The following MAGI1 variants were observed in gnomAD, a reference collection of about 807,000 sequenced individuals.
MAGI1 encodes membrane associated guanylate kinase, WW and PDZ domain containing 1.
In MAGI1, 58 loss-of-function variants were observed where a neutral mutation model predicts 139.9. That is an observed-to-expected ratio of 0.41 (90% CI 0.34 to 0.52). The LOEUF is 0.52. Ranked by LOEUF, MAGI1 falls within the 20% of genes least tolerant of loss-of-function variation. The pLI is 0.12. For synonymous variants in MAGI1, 812 were observed against 737.9 expected (o/e 1.10, Z -1.63); for missense variants, 1,874 against 1,901.6 (o/e 0.99, Z 0.27).
At chr3:65,379,031 G>T (rs780469304) in intron 17 of MAGI1, among the ~76,000 whole-genome samples, 1 of 152,116 alleles carries the variant, frequency 6.6e-6, no homozygotes, top group African/African-American at 2.4e-5. Flanking sequence ...TTGTGTATGC[G>T]TGATCACATT....
chr3:65,630,240 C>T (rs968865789), intron 1 of MAGI1, among the ~76,000 whole-genome samples: 1 of 152,170 alleles, frequency 6.6e-6, no homozygotes, highest in Non-Finnish European at 1.5e-5. Context: ...CCCTGAGCAG[C>T]AGGGTATATG....
intron 12 of MAGI1, among the ~76,000 whole-genome samples, chr3:65,411,454 T>C (rs552364488): frequency 1.3e-5 from 2 of 152,296 alleles, no homozygotes; most frequent in Admixed American, 1.3e-4. Flanking sequence ...ATGCAGTTCC[T>C]ACAAATTTGA....
At chr3:65,482,606 A>G (rs998355422) in intron 3 of MAGI1, among the ~76,000 whole-genome samples, 1 of 152,230 alleles carries the variant, frequency 6.6e-6, no homozygotes, top group Non-Finnish European at 1.5e-5. Context: ...TCTGTAAACT[A>G]TAAGGTGTTA....
Position 65,448,248 on chromosome 3 carries a change from G to C in MAGI1, c.1043-191C>G, listed in dbSNP as rs968336595. 5 of 609,078 alleles carry C rather than the reference G, an allele frequency of 8.2e-6. No homozygotes were observed. The African/African-American group carries it at 9.3e-5, about 11-fold the overall frequency. The allele number at this position is 609,078 out of a possible 1,614,324, so 37.7% of individuals were successfully genotyped here. On this transcript the variant is annotated intron_variant, in intron 6 of 22. Coordinates refer to ENST00000402939, the MANE Select transcript of MAGI1 (RefSeq NM_001033057.2). The stretch of plus-strand genomic sequence containing the variant: ...CGACCTCAGTGTAAATCACAAAACG[G>C]GAAGAGCTGATATTGGCAAAATAAT...
intron 1 of MAGI1, among the ~76,000 whole-genome samples, chr3:65,871,229 G>A (rs182343983): frequency 1.2e-4 from 18 of 152,150 alleles, no homozygotes; most frequent in African/African-American, 4.3e-4. Context: ...GAGCCCCCAT[G>A]CCCAGCCTAA....
At chr3:65,510,755 C>T (rs1287703800) in intron 2 of MAGI1, among the ~76,000 whole-genome samples, 6 of 128,756 alleles carry the variant, frequency 4.7e-5, no homozygotes, top group African/African-American at 1.5e-4. Flanking sequence ...GGAGAACTTC[C>T]CCAATCTAGC....
chr3:65,753,428 G>C (rs1049836828), intron 1 of MAGI1, among the ~76,000 whole-genome samples: 3 of 152,094 alleles, frequency 2.0e-5, no homozygotes, highest in East Asian at 3.9e-4. Context: ...TATTGGTAAA[G>C]AAACTAAGAG....
At chr3:66,007,370 CAGA>C (rs1445450126) in intron 1 of MAGI1, among the ~76,000 whole-genome samples, 1 of 152,278 alleles carries the variant, frequency 6.6e-6, no homozygotes, top group African/African-American at 2.4e-5. Context: ...AAGTTGTAAA[CAGA>C]AGAATTAGGA....
chr3:65,414,100 G>A (rs1031629433), intron 12 of MAGI1, among the ~76,000 whole-genome samples: 2 of 152,160 alleles, frequency 1.3e-5, no homozygotes, highest in African/African-American at 4.8e-5. Context: ...GGTAAATGAA[G>A]CTCTAATCAG....
intron 1 of MAGI1, among the ~76,000 whole-genome samples, chr3:65,883,357 A>C (rs1559974920): frequency 1.3e-5 from 2 of 152,250 alleles, no homozygotes; most frequent in Admixed American, 1.3e-4. Context: ...CCAGTCTAAA[A>C]GAAGTAAAAT....
At chr3:65,370,727 T>A (rs1941902255) in intron 18 of MAGI1, among the ~76,000 whole-genome samples, 2 of 152,210 alleles carry the variant, frequency 1.3e-5, no homozygotes. Flanking sequence ...AAGCTCGACC[T>A]CAACCTCCTG....
At chr3:65,812,468 T>TCACACACACA (rs1553711393) in intron 1 of MAGI1, among the ~76,000 whole-genome samples, 4 of 89,152 alleles carry the variant, frequency 4.5e-5, no homozygotes, top group South Asian at 4.8e-4. Context: ...TCTCTCTCTC[T>TCACACACACA]CACACACACA....
Position 65,819,875 on chromosome 3 carries a change from C to CAAAAAAA in MAGI1, c.314-197794_314-197788dup, listed in dbSNP as rs3077818. 4.7e-3 allele frequency among the ~76,000 whole-genome samples: 158 copies of CAAAAAAA among 33,452 alleles called. 9 individuals carry two copies. The highest frequency in any genetic ancestry group is 0.01 in the African/African-American group (123 of 11,824). 21.9% of individuals were successfully genotyped at this position (33,452 alleles called of 152,430 possible). A position where few individuals can be genotyped will look rare whatever the true frequency, so the allele number is the denominator to read the frequency against. On this transcript the variant is annotated intron_variant, in intron 1 of 22. Transcript: ENST00000402939. ...CTAGCCACAGAGCAAGACTCCATCT[C>CAAAAAAA]AAAAAAAAAAAAAAAAAAAAAAGGA...
intron 2 of MAGI1, among the ~76,000 whole-genome samples, chr3:65,495,908 A>T (rs1452316455): frequency 4.6e-5 from 7 of 152,142 alleles, no homozygotes; most frequent in Non-Finnish European, 1.0e-4. Context: ...TACAGTGATG[A>T]AAAAAGGGCT....
At chr3:65,561,470 G>A (rs1486734010) in intron 2 of MAGI1, among the ~76,000 whole-genome samples, 18 of 152,072 alleles carry the variant, frequency 1.2e-4, no homozygotes, top group Admixed American at 4.6e-4. Flanking sequence ...ATTCAAGGAG[G>A]TGCTTAACTT....
intron 2 of MAGI1, among the ~76,000 whole-genome samples, chr3:65,612,878 T>A (rs1339473340): frequency 6.6e-6 from 1 of 152,172 alleles, no homozygotes; most frequent in Admixed American, 6.6e-5. Context: ...TAAATCGTCA[T>A]GGAAATTGCT....
chr3:65,578,689 G>A (rs2081282519), intron 2 of MAGI1, among the ~76,000 whole-genome samples: 1 of 152,178 alleles, frequency 6.6e-6, no homozygotes, highest in Non-Finnish European at 1.5e-5. Context: ...GGACGCCGAG[G>A]TGGGTGGATC....
At chr3:65,871,426 A>C (rs1384923135) in intron 1 of MAGI1, among the ~76,000 whole-genome samples, 1 of 152,228 alleles carries the variant, frequency 6.6e-6, no homozygotes, top group Non-Finnish European at 1.5e-5. Flanking sequence ...GCGTGACTGC[A>C]GCACAGCCAG....
chr3:65,778,858 G>T (rs1440992003), intron 1 of MAGI1, among the ~76,000 whole-genome samples: 1 of 152,156 alleles, frequency 6.6e-6, no homozygotes, highest in Non-Finnish European at 1.5e-5. Context: ...TACTCCAGAG[G>T]TCCTCAACCA....
Sources: gnomAD v4.1 joint callset for allele counts (sites outside exome capture counted in the v4.1 genomes callset) on GRCh38, gnomAD v4.1.1 for gene constraint, MANE v1.5 for transcripts, NCBI Gene and HGNC (gene_info 2026-07-23, HGNC 2026-07-21) for gene names.